Variants in ORC2 observed in about 807,000 individuals in gnomAD.
The protein encoded by ORC2 is origin recognition complex subunit 2.
In ORC2, 37 loss-of-function variants were observed where a neutral mutation model predicts 77.7. The observed-to-expected ratio is 0.48, with a 90% CI of 0.37 to 0.63. The LOEUF (loss-of-function observed/expected upper bound fraction) is 0.63, where lower values mean the gene tolerates loss of function less well. ORC2 is among the 20% of genes least tolerant of loss of function. The pLI, the probability that ORC2 is intolerant of heterozygous loss-of-function variation, is 0.00. For missense variants in ORC2, 557 were observed against 661.9 expected (o/e 0.84, Z 1.74); for synonymous variants, 201 against 229.5 (o/e 0.88, Z 1.12).
rs775577752 is a variant in ORC2 at position 200,920,206 on chromosome 2, T to C, written c.1466+16A>G. On this transcript the variant is annotated intron_variant, in intron 15 of 17. Coordinates refer to ENST00000234296, the MANE Select transcript of ORC2 (RefSeq NM_006190.5). The stretch of plus-strand genomic sequence containing the variant: ...ATGTATAGTTTTTAAAAAAGAAATA[T>C]GGTTTTCATCCTTACCTTGCATTAG... 20 of 1,593,472 alleles carry C rather than the reference T, an allele frequency of 1.3e-5. No homozygotes were observed. The highest frequency in any genetic ancestry group is 3.6e-5 in the Admixed American group (2 of 54,960).
intron 11 of ORC2, among the ~76,000 whole-genome samples, chr2:200,930,654 T>G (rs1043083979): frequency 2.6e-5 from 4 of 152,150 alleles, no homozygotes; most frequent in Non-Finnish European, 5.9e-5. Flanking sequence ...AGTGACAATG[T>G]AACTGTGAGT....
intron 1 of ORC2, among the ~76,000 whole-genome samples, chr2:200,961,706 G>C (rs2041577829): frequency 6.6e-6 from 1 of 152,130 alleles, no homozygotes; most frequent in Admixed American, 6.5e-5. Flanking sequence ...AGGATTTGAA[G>C]CAGTGACAAT....
chr2:200,917,353 C>T (rs896876433), intron 15 of ORC2, among the ~76,000 whole-genome samples: 6 of 151,980 alleles, frequency 3.9e-5, no homozygotes, highest in Non-Finnish European at 7.4e-5. Context: ...ATGGGGTCTA[C>T]GTTGCCCAGG....
rs1559002707 is a variant in ORC2, at chr2:200,914,008, A to AC, written c.1467-17_1467-16insG. On this transcript the variant is annotated splice_polypyrimidine_tract_variant and intron_variant, in intron 15 of 17. Coordinates refer to ENST00000234296, the MANE Select transcript of ORC2 (RefSeq NM_006190.5). The stretch of plus-strand genomic sequence containing the variant: ...GAAAATTCCCCTAAAAAAAAAAAAA[A>AC]ACAGGAATTTAAATCCAAAAATGTT... The AC allele has an allele frequency of 2.0e-6, 3 of 1,500,386 alleles. No individual in the cohort carries two copies. The highest frequency in any genetic ancestry group is 2.7e-6 in the Non-Finnish European group (3 of 1,097,424). 92.9% of individuals were successfully genotyped at this position (1,500,386 alleles called of 1,614,324 possible).
chr2:200,947,955 C>T (rs1039969924), intron 5 of ORC2, among the ~76,000 whole-genome samples: 24 of 152,020 alleles, frequency 1.6e-4, no homozygotes, highest in African/African-American at 5.5e-4. Flanking sequence ...GTCGCCCAGG[C>T]TGGAGTGCAG....
chr2:200,960,467 G>A (rs1042285481), intron 1 of ORC2, among the ~76,000 whole-genome samples: 1 of 152,078 alleles, frequency 6.6e-6, no homozygotes, highest in African/African-American at 2.4e-5. Context: ...CTATTATGGG[G>A]AAACTGGGTG....
chr2:200,926,633 TG>T, intron 12 of ORC2, 134 bp downstream of exon 12: 1 of 709,906 alleles, frequency 1.4e-6, no homozygotes, highest in Non-Finnish European at 2.3e-6. Context: ...TCCAAACACA[TG>T]GTATTAAGCA....
chr2:200,920,458 C>T, intron 14 of ORC2, 65 bp from the exon 15 acceptor site: 6 of 1,272,214 alleles, frequency 4.7e-6, no homozygotes, highest in Non-Finnish European at 5.2e-6. Flanking sequence ...TACTAGATTC[C>T]ACTTTACAAA....
chr2:200,961,389 C>A (rs946184559), intron 1 of ORC2, among the ~76,000 whole-genome samples: 1 of 148,878 alleles, frequency 6.7e-6, no homozygotes, highest in Non-Finnish European at 1.5e-5. Flanking sequence ...TGAGCTCAAG[C>A]AATCTGCCCA....
At chr2:200,957,975 A>G in intron 3 of ORC2, 55 bp downstream of exon 3, 1 of 1,100,174 alleles carries the variant, frequency 9.1e-7, no homozygotes, top group African/African-American at 1.5e-5. Context: ...TAAAAGTGAA[A>G]TAATCCATAA....
intron 15 of ORC2, among the ~76,000 whole-genome samples, chr2:200,918,978 C>T (rs1170328985): frequency 2.6e-5 from 4 of 152,044 alleles, no homozygotes; most frequent in Non-Finnish European, 5.9e-5. Flanking sequence ...TATGGGTGTA[C>T]ACCACCACAC....
chr2:200,956,519 G>A (rs531590287), intron 4 of ORC2, among the ~76,000 whole-genome samples: 2 of 151,348 alleles, frequency 1.3e-5, no homozygotes, highest in East Asian at 2.0e-4. Context: ...TTGTAGAAAC[G>A]GGATCTTACT....
chr2:200,931,065 A>G (rs2040929692), intron 11 of ORC2, among the ~76,000 whole-genome samples: 1 of 152,136 alleles, frequency 6.6e-6, no homozygotes, highest in African/African-American at 2.4e-5. Flanking sequence ...TTTTAAACCA[A>G]TAACATAATT....
intron 14 of ORC2, 102 bp from the exon 15 acceptor site, chr2:200,920,495 G>C: frequency 1.0e-6 from 1 of 956,988 alleles, no homozygotes; most frequent in Middle Eastern, 3.6e-4. Flanking sequence ...AAATAAAAAT[G>C]AATCCCCAAG....
At chr2:200,959,834 G>C (rs1455530065) in intron 1 of ORC2, among the ~76,000 whole-genome samples, 1 of 151,958 alleles carries the variant, frequency 6.6e-6, no homozygotes, top group East Asian at 1.9e-4. Flanking sequence ...GGAGGCTGAG[G>C]CAGGGGGATC....
At chr2:200,946,189 T>A (rs1304698231) in intron 5 of ORC2, among the ~76,000 whole-genome samples, 3 of 151,990 alleles carry the variant, frequency 2.0e-5, no homozygotes, top group African/African-American at 7.2e-5. Flanking sequence ...AAGGTCTCAC[T>A]AGGTTGCACG....
chr2:200,913,745 A>G, intron 16 of ORC2, 186 bp downstream of exon 16: 1 of 1,381,680 alleles, frequency 7.2e-7, no homozygotes, highest in East Asian at 2.7e-5. Flanking sequence ...TGTGTTGGCA[A>G]ACACCTTGCT....
At chr2:200,952,697 G>A (rs2041384327) in intron 4 of ORC2, among the ~76,000 whole-genome samples, 1 of 151,884 alleles carries the variant, frequency 6.6e-6, no homozygotes, top group African/African-American at 2.4e-5. Flanking sequence ...TGAGAAACAT[G>A]AAAGCCTACT....
intron 4 of ORC2, among the ~76,000 whole-genome samples, chr2:200,954,215 G>A (rs2041421564): frequency 6.6e-6 from 1 of 151,914 alleles, no homozygotes; most frequent in Non-Finnish European, 1.5e-5. Context: ...TGTATTTTTA[G>A]TAGAGACACG....
Sources: gnomAD v4.1 joint callset for allele counts (sites outside exome capture counted in the v4.1 genomes callset) on GRCh38, gnomAD v4.1.1 for gene constraint, MANE v1.5 for transcripts, NCBI Gene and HGNC (gene_info 2026-07-23, HGNC 2026-07-21) for gene names.